CDH4: variants seen among roughly 807,000 people sequenced by gnomAD.
CDH4 encodes the protein cadherin 4.
In CDH4, 33 loss-of-function variants were observed where a neutral mutation model predicts 86.0. The ratio of observed to expected loss-of-function variants is 0.38; its 90% CI spans 0.29 to 0.51. The LOEUF (loss-of-function observed/expected upper bound fraction) is 0.51. CDH4 is among the 20% of genes least tolerant of loss of function. The probability of loss-of-function intolerance (pLI) is 0.86; values close to 1 mark genes in which losing one functional copy is unlikely to be tolerated. For missense variants in CDH4, 1,114 were observed against 1,307.4 expected (o/e 0.85, Z 2.28); for synonymous variants, 555 against 549.4 (o/e 1.01, Z -0.14).
intron 2 of CDH4, among the ~76,000 whole-genome samples, chr20:61,372,715 G>A (rs938981731): frequency 2.0e-5 from 3 of 147,072 alleles, no homozygotes; most frequent in African/African-American, 7.4e-5. Flanking sequence ...CCCCACCCAC[G>A]TGCCAGCCGG....
intron 2 of CDH4, among the ~76,000 whole-genome samples, chr20:61,494,690 A>G (rs1421066455): frequency 1.3e-5 from 2 of 152,268 alleles, no homozygotes; most frequent in African/African-American, 4.8e-5. Context: ...GAATTTCTCT[A>G]AGAGACATCT....
At chr20:61,613,150 G>A (rs1423229684) in intron 2 of CDH4, among the ~76,000 whole-genome samples, 2 of 151,310 alleles carry the variant, frequency 1.3e-5, no homozygotes, top group African/African-American at 2.5e-5. Context: ...GGAAAAAACA[G>A]GGGCTTTTCT....
rs1335127698 is a variant in CDH4, at chr20:61,565,118, GCTCTTGGTGGTGCTGGTC to G, written c.170-178435_170-178418del. Among the ~76,000 whole-genome samples, 108 of 140,910 alleles carry G rather than the reference GCTCTTGGTGGTGCTGGTC, an allele frequency of 7.7e-4. 1 individual carries two copies. Among genetic ancestry groups the G allele is most frequent in the Middle Eastern group, 7.2e-3 (2 of 278 alleles). 92.4% of individuals were successfully genotyped at this position (140,910 alleles called of 152,430 possible). A position where few individuals can be genotyped will look rare whatever the true frequency, so the allele number is the denominator to read the frequency against. On this transcript the variant is annotated intron_variant, in intron 2 of 15. Coordinates refer to ENST00000614565, the MANE Select transcript of CDH4 (RefSeq NM_001794.5). ...TGGTGGTGCTCTTGGTGGTGCTGGT[GCTCTTGGTGGTGCTGGTC>G]CTCTTGGTGTTGGTAGTGGTCCTCT... is the stretch of plus-strand genomic sequence containing the variant.
chr20:61,490,610 AATC>A (rs2145588094), intron 2 of CDH4, among the ~76,000 whole-genome samples: 1 of 152,158 alleles, frequency 6.6e-6, no homozygotes, highest in South Asian at 2.1e-4. Context: ...GAGGCAGGAG[AATC>A]ATTTGAACCC....
At chr20:61,901,734 A>G (rs6121837) in intron 8 of CDH4, among the ~76,000 whole-genome samples, 112,272 of 152,244 alleles carry the variant, frequency 0.74, 44,276 homozygotes, top group Non-Finnish European at 0.89. Flanking sequence ...GCTTCTGAGT[A>G]AGCGGCAGCT....
intron 2 of CDH4, among the ~76,000 whole-genome samples, chr20:61,325,446 G>A (rs1348710110): frequency 1.3e-5 from 2 of 151,942 alleles, no homozygotes; most frequent in Admixed American, 6.6e-5. Context: ...TTCTGATAAA[G>A]GGCAAAAAGA....
chr20:61,636,108 T>G (rs1568726126), intron 2 of CDH4, among the ~76,000 whole-genome samples: 4 of 151,966 alleles, frequency 2.6e-5, no homozygotes. Context: ...TTCTTCCGAG[T>G]TTTTTCCTCA....
intron 8 of CDH4, among the ~76,000 whole-genome samples, chr20:61,907,004 T>C (rs1452131338): frequency 6.6e-6 from 1 of 152,038 alleles, no homozygotes; most frequent in Non-Finnish European, 1.5e-5. Flanking sequence ...TCACTGACGA[T>C]GGGGCAGGCC....
chr20:61,499,499 G>A (rs1397005847), intron 2 of CDH4: 2 of 1,288,954 alleles, frequency 1.6e-6, no homozygotes, highest in Non-Finnish European at 2.0e-6. Context: ...GAAGGCAAGT[G>A]TGAGTGTGCT....
chr20:61,531,734 G>A (rs1487449790), intron 2 of CDH4, among the ~76,000 whole-genome samples: 9 of 152,216 alleles, frequency 5.9e-5, no homozygotes. Flanking sequence ...AGGGGCCACG[G>A]ATTGGCTTTG....
intron 2 of CDH4, among the ~76,000 whole-genome samples, chr20:61,505,825 T>G (rs551341522): frequency 3.3e-5 from 5 of 151,530 alleles, no homozygotes; most frequent in Admixed American, 6.6e-5. Context: ...TATGTTAAGA[T>G]GAATGGGTTT....
intron 2 of CDH4, among the ~76,000 whole-genome samples, chr20:61,487,413 A>G (rs2085602615): frequency 6.6e-6 from 1 of 152,184 alleles, no homozygotes; most frequent in African/African-American, 2.4e-5. Context: ...AATCATTCTC[A>G]GCACAACTTT....
intron 8 of CDH4, among the ~76,000 whole-genome samples, chr20:61,900,047 T>C (rs142173019): frequency 2.0e-5 from 3 of 152,036 alleles, no homozygotes; most frequent in African/African-American, 7.2e-5. Context: ...GAAGTGACCC[T>C]CCTGGCCAGG....
chr20:61,495,249 A>T (rs1045693845), intron 2 of CDH4, among the ~76,000 whole-genome samples: 1 of 152,234 alleles, frequency 6.6e-6, no homozygotes, highest in African/African-American at 2.4e-5. Flanking sequence ...ACCTTCAACC[A>T]GGAGAAACAT....
chr20:61,672,194 G>T (rs918638645), intron 2 of CDH4, among the ~76,000 whole-genome samples: 6 of 151,644 alleles, frequency 4.0e-5, no homozygotes, highest in African/African-American at 1.2e-4. Flanking sequence ...TATGGATAAT[G>T]GATGGATGAT....
chr20:61,286,335 C>T (rs2084293216), intron 2 of CDH4, among the ~76,000 whole-genome samples: 1 of 152,200 alleles, frequency 6.6e-6, no homozygotes, highest in Non-Finnish European at 1.5e-5. Flanking sequence ...GACGAGCTGC[C>T]TCCCTGTGTC....
At chr20:61,493,017 T>C (rs545530104) in intron 2 of CDH4, among the ~76,000 whole-genome samples, 1 of 152,280 alleles carries the variant, frequency 6.6e-6, no homozygotes, top group African/African-American at 2.4e-5. Flanking sequence ...GGGCTTGGGA[T>C]TTGCCCATGG....
At chr20:61,305,253 G>A (rs1318529231) in intron 2 of CDH4, among the ~76,000 whole-genome samples, 1 of 152,140 alleles carries the variant, frequency 6.6e-6, no homozygotes, top group East Asian at 1.9e-4. Context: ...TCTGGGGGCA[G>A]AGGGGGAAGA....
chr20:61,519,127 GT>G (rs1221257431), intron 2 of CDH4, among the ~76,000 whole-genome samples: 2 of 152,204 alleles, frequency 1.3e-5, no homozygotes, highest in African/African-American at 4.8e-5. Flanking sequence ...TTTAATGGAA[GT>G]TTCCACCACA....
Sources: gnomAD v4.1 joint callset for allele counts (sites outside exome capture counted in the v4.1 genomes callset) on GRCh38, gnomAD v4.1.1 for gene constraint, MANE v1.5 for transcripts, NCBI Gene and HGNC (gene_info 2026-07-23, HGNC 2026-07-21) for gene names.